Variants in TLE1 observed in about 807,000 individuals in gnomAD.
TLE1 encodes TLE family member 1, transcriptional corepressor, also known as transducin-like enhancer protein 1.
Under a neutral mutation model 89.8 loss-of-function variants are expected in TLE1, and 21 were observed. That is an observed-to-expected ratio of 0.23 (90% CI 0.17 to 0.34). TLE1 has a LOEUF of 0.34. Ranked by LOEUF, TLE1 falls within the 10% of genes least tolerant of loss-of-function variation. TLE1 has a pLI of 1.00. For missense variants in TLE1, 795 were observed against 1,031.2 expected (o/e 0.77, Z 3.14); for synonymous variants, 447 against 407.6 (o/e 1.10, Z -1.16).
Position 81,584,102 on chromosome 9 carries a change from A to AT in TLE1, c.*95dup, listed in dbSNP as rs142458504. On this transcript the variant is annotated 3_prime_UTR_variant, in exon 20 of 20. Coordinates refer to ENST00000376499, the MANE Select transcript of TLE1 (RefSeq NM_005077.5). ...CAAGGTTTGGAAACAGGTGTTTGTAATTTTTTTTCTCTTTTAAAGTTACAA... is the reference window on the plus strand; with the variant it reads ...CAAGGTTTGGAAACAGGTGTTTGTAATTTTTTTTTCTCTTTTAAAGTTACAA... 3.2e-5 allele frequency: 36 copies of AT among 1,139,832 alleles called. No individual in the cohort carries two copies. Among genetic ancestry groups the AT allele is most frequent in the South Asian group, 4.1e-5 (3 of 73,936 alleles). 70.6% of individuals were successfully genotyped at this position (1,139,832 alleles called of 1,614,324 possible). A position where few individuals can be genotyped will look rare whatever the true frequency, so the allele number is the denominator to read the frequency against.
At position 81,611,040 on chromosome 9, in the gene TLE1, G is replaced by A. The variant is rs1587954740; in HGVS notation, c.1254+729C>T. Among the ~76,000 whole-genome samples the A allele has an allele frequency of 2.6e-5, 4 of 152,236 alleles. No individual in the cohort carries two copies. In the South Asian group the frequency reaches 8.3e-4, roughly 32 times the overall value. ...GTGGAGGTAATGCTATGTGAAGAGGGGACAAGAGAGAAAGGTAGAGGACAT... is the reference window on the plus strand; with the variant it reads ...GTGGAGGTAATGCTATGTGAAGAGGAGACAAGAGAGAAAGGTAGAGGACAT... On this transcript the variant is annotated intron_variant, in intron 13 of 19. Coordinates refer to ENST00000376499, the MANE Select transcript of TLE1 (RefSeq NM_005077.5).
At chr9:81,613,632 C>CA in intron 11 of TLE1, 111 bp from the exon 12 acceptor site, 1 of 1,251,864 alleles carries the variant, frequency 8.0e-7, no homozygotes, top group Non-Finnish European at 1.1e-6. Context: ...CTCCCTCAGC[C>CA]AATTTTCATA....
At chr9:81,659,955 A>C (rs916844161) in intron 4 of TLE1, among the ~76,000 whole-genome samples, 1 of 152,124 alleles carries the variant, frequency 6.6e-6, no homozygotes, top group African/African-American at 2.4e-5. Flanking sequence ...CCTTTCCCCC[A>C]TAACGCCAAT....
At chr9:81,605,914 A>C (rs1563957066) in intron 14 of TLE1, among the ~76,000 whole-genome samples, 1 of 152,174 alleles carries the variant, frequency 6.6e-6, no homozygotes, top group Non-Finnish European at 1.5e-5. Flanking sequence ...CAAAGAACTT[A>C]AACAAATTTA....
At chr9:81,660,941 A>ACG (rs1249391977) in intron 4 of TLE1, among the ~76,000 whole-genome samples, 5 of 74,386 alleles carry the variant, frequency 6.7e-5, no homozygotes, top group Non-Finnish European at 1.4e-4. Context: ...CTAAACACAC[A>ACG]CACACACACA....
In TLE1 at chr9:81,685,818, A is replaced by C. The variant is rs150975770; in HGVS notation, c.189+15T>G. 5.9e-4 allele frequency: 953 copies of C among 1,613,962 alleles called. 1 individual carries two copies. The highest frequency in any genetic ancestry group is 7.5e-4 in the Non-Finnish European group (883 of 1,179,886). ...ATCATATGAAAAAGGAAAAAGTCCA[A>C]TCTTTGATACCTACCATCACATAGT... On this transcript the variant is annotated intron_variant, in intron 3 of 19. Coordinates refer to ENST00000376499, the MANE Select transcript of TLE1 (RefSeq NM_005077.5).
intron 14 of TLE1, among the ~76,000 whole-genome samples, chr9:81,601,748 A>AT (rs1830954810): frequency 6.6e-6 from 1 of 152,348 alleles, no homozygotes; most frequent in East Asian, 1.9e-4. Flanking sequence ...CCTTGAGGGT[A>AT]TGAAAACAAG....
At chr9:81,629,476 C>CT (rs1199917594) in intron 8 of TLE1, among the ~76,000 whole-genome samples, 1 of 152,178 alleles carries the variant, frequency 6.6e-6, no homozygotes, top group African/African-American at 2.4e-5. Context: ...AGCCAAACCT[C>CT]TATAAAGTTG....
At chr9:81,609,560 G>C (rs1021154207) in intron 14 of TLE1, among the ~76,000 whole-genome samples, 1 of 152,280 alleles carries the variant, frequency 6.6e-6, no homozygotes, top group African/African-American at 2.4e-5. Flanking sequence ...AGGAAGAATA[G>C]CCAATTGAGT....
chr9:81,652,012 C>T (rs927352150), intron 6 of TLE1, among the ~76,000 whole-genome samples: 2 of 151,558 alleles, frequency 1.3e-5, no homozygotes, highest in African/African-American at 2.4e-5. Flanking sequence ...CTGTCATCTT[C>T]CTTATGCTAA....
At chr9:81,677,979 T>C (rs1216102592) in intron 4 of TLE1, among the ~76,000 whole-genome samples, 1 of 152,232 alleles carries the variant, frequency 6.6e-6, no homozygotes, top group African/African-American at 2.4e-5. Context: ...GAATTTGTTT[T>C]TTCCTCCCAG....
intron 8 of TLE1, 182 bp from the exon 9 acceptor site, chr9:81,620,739 G>A: frequency 1.0e-6 from 1 of 985,382 alleles, no homozygotes; most frequent in Non-Finnish European, 1.2e-6. Flanking sequence ...ACTTAAAAGG[G>A]AGACCCTGAC....
At chr9:81,632,474 CCTT>C (rs1321435662) in intron 8 of TLE1, among the ~76,000 whole-genome samples, 1 of 73,390 alleles carries the variant, frequency 1.4e-5, no homozygotes, top group Non-Finnish European at 3.0e-5. Flanking sequence ...GTTCAGTATC[CCTT>C]TTTTTTTTTT....
chr9:81,630,230 A>C (rs1381759954), intron 8 of TLE1, among the ~76,000 whole-genome samples: 6 of 152,100 alleles, frequency 3.9e-5, no homozygotes, highest in African/African-American at 1.4e-4. Flanking sequence ...AGACCCTCGC[A>C]AATCTATGAG....
At chr9:81,619,004 C>A (rs1264249401) in intron 9 of TLE1, among the ~76,000 whole-genome samples, 1 of 152,122 alleles carries the variant, frequency 6.6e-6, no homozygotes, top group East Asian at 1.9e-4. Flanking sequence ...ATGCAGGTTA[C>A]AAAACTACCA....
chr9:81,585,397 C>T (rs1828250516), intron 18 of TLE1, 108 bp downstream of exon 18: 4 of 1,366,886 alleles, frequency 2.9e-6, no homozygotes, highest in Non-Finnish European at 4.0e-6. Context: ...TTGCATCCAG[C>T]TGCTCGGAGA....
At chr9:81,617,133 CA>C (rs56692367) in intron 9 of TLE1, among the ~76,000 whole-genome samples, 5,820 of 124,096 alleles carry the variant, frequency 0.047, 113 homozygotes, top group African/African-American at 0.081. Context: ...CTAGTTAATG[CA>C]AAAAAAAAAA....
At chr9:81,680,308 G>C (rs1833447588) in intron 4 of TLE1, among the ~76,000 whole-genome samples, 1 of 152,172 alleles carries the variant, frequency 6.6e-6, no homozygotes, top group African/African-American at 2.4e-5. Context: ...CCACAGGACA[G>C]GTAACCAAAG....
intron 4 of TLE1, among the ~76,000 whole-genome samples, chr9:81,657,156 T>C (rs1367982113): frequency 8.5e-5 from 13 of 152,240 alleles, no homozygotes; most frequent in Non-Finnish European, 7.3e-5. Context: ...CATTCTTCCA[T>C]TGTTGCTTAA....
Sources: gnomAD v4.1 joint callset for allele counts (sites outside exome capture counted in the v4.1 genomes callset) on GRCh38, gnomAD v4.1.1 for gene constraint, MANE v1.5 for transcripts, NCBI Gene and HGNC (gene_info 2026-07-23, HGNC 2026-07-21) for gene names.